The following ZBTB43 variants were observed in gnomAD, a reference collection of about 807,000 sequenced individuals.
The protein encoded by ZBTB43 is zinc finger and BTB domain-containing protein 43.
In ZBTB43, 6 loss-of-function variants were observed where a neutral mutation model predicts 31.1. That is an observed-to-expected ratio of 0.19 (90% CI 0.11 to 0.38). The LOEUF (loss-of-function observed/expected upper bound fraction) is 0.38. ZBTB43 is among the 10% of genes least tolerant of loss of function. ZBTB43 has a pLI of 1.00. For missense variants in ZBTB43, 379 were observed against 602.1 expected, an observed-to-expected ratio of 0.63 and a Z score of 3.88; for synonymous variants, 212 against 221.7, an observed-to-expected ratio of 0.96 and a Z score of 0.39.
chr9:126,813,427 T>C (rs192559678), intron 2 of ZBTB43, among the ~76,000 whole-genome samples: 1 of 152,324 alleles, frequency 6.6e-6, no homozygotes, highest in East Asian at 1.9e-4. Flanking sequence ...TTTTCAGTGC[T>C]GCCCCAATGT....
intron 2 of ZBTB43, among the ~76,000 whole-genome samples, chr9:126,826,920 A>C (rs902020793): frequency 2.0e-5 from 3 of 152,272 alleles, no homozygotes; most frequent in East Asian, 1.9e-4. Flanking sequence ...CTGCAGGGAC[A>C]GTTTCTAATT....
At chr9:126,812,024 A>G (rs773284873) in intron 2 of ZBTB43, among the ~76,000 whole-genome samples, 1 of 152,032 alleles carries the variant, frequency 6.6e-6, no homozygotes, top group African/African-American at 2.4e-5. Flanking sequence ...CATCACCACA[A>G]TCTAATTTTA....
At chr9:126,814,036 G>A (rs2119120066) in intron 2 of ZBTB43, among the ~76,000 whole-genome samples, 1 of 152,162 alleles carries the variant, frequency 6.6e-6, no homozygotes, top group Non-Finnish European at 1.5e-5. Context: ...GAGTATATAG[G>A]TATTGCATTA....
chr9:126,833,837 T>A lies in ZBTB43; in HGVS notation c.1328T>A (p.Phe443Tyr). 1 of 1,603,196 alleles carries A rather than the reference T, an allele frequency of 6.2e-7. No homozygotes were observed. The highest frequency in any genetic ancestry group is 8.5e-7 in the Non-Finnish European group (1 of 1,170,906). ...CAKRFMWRDSFHRHVTSCTKS... is the reference protein window; with the variant it reads ...CAKRFMWRDSYHRHVTSCTKS... ...AAGAGGTTTATGTGGAGGGACAGTT[T>A]CCACCGGCATGTGACTTCTTGTACT... Residue 443 changes from phenylalanine (F) to tyrosine (Y), a missense_variant, in exon 3 of 3, where the codon TTC (phenylalanine) becomes TAC (tyrosine). Transcript: ENST00000373464. This position sits in a 1 kb window ranked among gnomAD's most constrained non-coding sequence, Gnocchi z 7.9.
chr9:126,820,065 G>A (rs2032477630), intron 2 of ZBTB43, among the ~76,000 whole-genome samples: 1 of 152,218 alleles, frequency 6.6e-6, no homozygotes, highest in Non-Finnish European at 1.5e-5. Flanking sequence ...TGAGGTTGAA[G>A]GAAAGAAGTG....
At chr9:126,822,612 A>G (rs893116726) in intron 2 of ZBTB43, among the ~76,000 whole-genome samples, 1 of 152,028 alleles carries the variant, frequency 6.6e-6, no homozygotes, top group Non-Finnish European at 1.5e-5. Context: ...ATGGTGATGC[A>G]TGCCTGTAGT....
chr9:126,804,579 G>A (rs998781957), upstream of ZBTB43, among the ~76,000 whole-genome samples: 4 of 152,132 alleles, frequency 2.6e-5, no homozygotes, highest in African/African-American at 9.7e-5. Flanking sequence ...CTGCCTCACG[G>A]GTTCAGGCAA....
Position 126,832,571 on chromosome 9 carries a change from A to G in ZBTB43, c.62A>G (p.Gln21Arg). 4 of 1,614,088 alleles carry G rather than the reference A, an allele frequency of 2.5e-6. No individual in the cohort carries two copies. The highest frequency in any genetic ancestry group is 1.1e-5 in the South Asian group (1 of 91,088). The part of the protein sequence containing the change: ...EFPDFSSTIL[Q>R]KLNQQRQQGQ... ...CCTGATTTTTCCAGCACCATTCTAC[A>G]GAAACTGAACCAGCAGCGCCAGCAA... Residue 21 changes from glutamine (Q) to arginine (R), a missense_variant, in exon 3 of 3, where the codon CAG becomes CGG. Gln to Arg is a conservative substitution (Grantham distance 43). Around this residue, in one of 5 missense-constraint regions of ZBTB43, gnomAD observed 79 missense variants for 134.4 expected, o/e 0.59. Transcript: ENST00000373464.
intron 2 of ZBTB43, among the ~76,000 whole-genome samples, chr9:126,819,142 A>G (rs1021589468): frequency 2.0e-5 from 3 of 152,202 alleles, no homozygotes. Context: ...TATTTTTAAA[A>G]AGACTCAGTC....
chr9:126,828,651 A>ATTATTATTATTATTATT (rs1554742734), intron 2 of ZBTB43, among the ~76,000 whole-genome samples: 50 of 126,502 alleles, frequency 4.0e-4, no homozygotes, highest in African/African-American at 1.4e-3. Context: ...TAATAATAAT[A>ATTATTATTATTATTATT]ATAATTATTA....
At chr9:126,818,109 T>A (rs1222973321) in intron 2 of ZBTB43, among the ~76,000 whole-genome samples, 1 of 150,784 alleles carries the variant, frequency 6.6e-6, no homozygotes, top group Non-Finnish European at 1.5e-5. Context: ...TTTGTAGTTT[T>A]TTTCTTTTTC....
intron 1 of ZBTB43, among the ~76,000 whole-genome samples, 177 bp downstream of exon 1, chr9:126,805,309 A>C (rs2032098384): frequency 6.6e-6 from 1 of 152,196 alleles, no homozygotes; most frequent in Non-Finnish European, 1.5e-5. Context: ...CCAGCTCCGA[A>C]TCCCGCAGTC....
At chr9:126,807,657 A>T (rs1026461016) in intron 1 of ZBTB43, among the ~76,000 whole-genome samples, 3 of 151,668 alleles carry the variant, frequency 2.0e-5, no homozygotes, top group African/African-American at 7.3e-5. Flanking sequence ...TTTTTTTGAG[A>T]TGGAGTCTCG....
chr9:126,830,409 G>A (rs556973835), intron 2 of ZBTB43, among the ~76,000 whole-genome samples: 69 of 152,240 alleles, frequency 4.5e-4, no homozygotes, highest in Non-Finnish European at 8.4e-4. Flanking sequence ...ACTTTGGGAG[G>A]CCAGGCGGGC....
intron 2 of ZBTB43, among the ~76,000 whole-genome samples, chr9:126,814,650 G>A (rs1298403607): frequency 2.0e-5 from 3 of 151,904 alleles, no homozygotes; most frequent in South Asian, 2.1e-4. Flanking sequence ...AAAATTAGCC[G>A]GGCATGGTGG....
intron 2 of ZBTB43, among the ~76,000 whole-genome samples, chr9:126,828,338 C>T (rs573791178): frequency 0.014 from 2,132 of 151,924 alleles, 24 homozygotes; most frequent in Non-Finnish European, 0.021. Context: ...CACCCACCAC[C>T]GCGCCTGGCT....
At chr9:126,806,408 T>G (rs1244015560) in intron 1 of ZBTB43, among the ~76,000 whole-genome samples, 1 of 152,224 alleles carries the variant, frequency 6.6e-6, no homozygotes, top group African/African-American at 2.4e-5. Flanking sequence ...AAATGTTGTT[T>G]GAGAGCACTT....
At chr9:126,808,276 A>G (rs186141360) in intron 1 of ZBTB43, among the ~76,000 whole-genome samples, 95 of 152,332 alleles carry the variant, frequency 6.2e-4, no homozygotes, top group Admixed American at 2.4e-3. Flanking sequence ...TTTTTAAGTA[A>G]AACATTCAGC....
In ZBTB43 at chr9:126,837,405, C is replaced by T. The variant is rs1265282533; in HGVS notation, c.*3492C>T. 3 of 167,296 alleles carry T rather than the reference C, an allele frequency of 1.8e-5. No homozygotes were observed. The highest frequency in any genetic ancestry group is 2.1e-4 in the South Asian group (1 of 4,836). 10.4% of individuals were successfully genotyped at this position (167,296 alleles called of 1,614,324 possible). A position where few individuals can be genotyped will look rare whatever the true frequency, so the allele number is the denominator to read the frequency against. On this transcript the variant is annotated 3_prime_UTR_variant, in exon 3 of 3. Transcript: ENST00000373464. ...GCCCCTAAGGCTGGCTTCTAACCAC[C>T]GGGGAAAGCTGCTTAGCCTCCAGGG... is the stretch of plus-strand genomic sequence containing the variant.
Sources: gnomAD v4.1 joint callset for allele counts (sites outside exome capture counted in the v4.1 genomes callset) on GRCh38, gnomAD v4.1.1 for gene constraint, gnomAD v4.1.1 regional missense constraint, Gnocchi (gnomAD v3.1) non-coding constraint, MANE v1.5 for transcripts, NCBI Gene and HGNC (gene_info 2026-07-23, HGNC 2026-07-21) for gene names.